The following TSPAN13 variants were observed in gnomAD, a reference collection of about 807,000 sequenced individuals.
TSPAN13 encodes tetraspanin-13.
Under a neutral mutation model 26.9 loss-of-function variants are expected in TSPAN13, and 18 were observed. That is an observed-to-expected ratio of 0.67 (90% CI 0.46 to 0.99). The LOEUF is 0.99. Ranked by LOEUF, TSPAN13 falls within the 50% of genes least tolerant of loss-of-function variation. The pLI, the probability that TSPAN13 is intolerant of heterozygous loss-of-function variation, is 0.00. For missense variants in TSPAN13, 201 were observed against 249.6 expected, an observed-to-expected ratio of 0.81 and a Z score of 1.31; for synonymous variants, 116 against 98.4, an observed-to-expected ratio of 1.18 and a Z score of -1.06.
At chr7:16,772,308 T>C (rs1018422729) in intron 1 of TSPAN13, among the ~76,000 whole-genome samples, 1 of 152,128 alleles carries the variant, frequency 6.6e-6, no homozygotes, top group African/African-American at 2.4e-5. Context: ...AAACTCCAAA[T>C]AGGTGAATTG....
At chr7:16,770,026 T>G (rs1166126469) in intron 1 of TSPAN13, among the ~76,000 whole-genome samples, 1 of 152,096 alleles carries the variant, frequency 6.6e-6, no homozygotes, top group East Asian at 1.9e-4. Context: ...TTTTCTCTCC[T>G]TTAATGAAGC....
rs1410152350 is a variant in TSPAN13 at position 16,777,113 on chromosome 7, G to A, written c.303G>A (p.Gln101=). 2 of 1,612,728 alleles carry A rather than the reference G, an allele frequency of 1.2e-6. No individual in the cohort carries two copies. Among genetic ancestry groups the A allele is most frequent in the Non-Finnish European group, 1.7e-6 (2 of 1,179,112 alleles). Residue 101 remains glutamine, a synonymous_variant, in exon 3 of 6, where the codon CAG becomes CAA. Coordinates refer to ENST00000262067, the MANE Select transcript of TSPAN13 (RefSeq NM_014399.4). The part of the protein sequence containing the change: ...SVSCACLALN[Q]EQQGQLLEVG... ...CTTGCGCTTGTTTAGCCCTGAACCA[G>A]GAGCAACAGGTAAGCTAAGACTTTT...
At chr7:16,754,558 C>T (rs960978407) in intron 1 of TSPAN13, among the ~76,000 whole-genome samples, 2 of 152,204 alleles carry the variant, frequency 1.3e-5, no homozygotes, top group African/African-American at 4.8e-5. Context: ...CACAGGATGT[C>T]CGCTGCTTCC....
intron 1 of TSPAN13, among the ~76,000 whole-genome samples, chr7:16,766,544 A>G (rs375278518): frequency 1.3e-5 from 2 of 152,206 alleles, no homozygotes; most frequent in Non-Finnish European, 2.9e-5. Flanking sequence ...AGAATCAGCA[A>G]CTTACTGCCT....
chr7:16,762,794 A>G (rs1784558906), intron 1 of TSPAN13, among the ~76,000 whole-genome samples: 1 of 152,168 alleles, frequency 6.6e-6, no homozygotes, highest in Non-Finnish European at 1.5e-5. Flanking sequence ...ATAAAACTCT[A>G]GGTACCATGA....
intron 5 of TSPAN13, among the ~76,000 whole-genome samples, chr7:16,782,502 T>C (rs1784824302): frequency 6.6e-6 from 1 of 152,022 alleles, no homozygotes; most frequent in South Asian, 2.1e-4. Context: ...GCCTAAAGAG[T>C]TACAATTTTC....
chr7:16,775,205 C>T (rs932182748), intron 1 of TSPAN13, among the ~76,000 whole-genome samples: 1 of 152,158 alleles, frequency 6.6e-6, no homozygotes, highest in Non-Finnish European at 1.5e-5. Flanking sequence ...CTGTCCCCCA[C>T]TCCTCCCCTA....
chr7:16,772,151 G>A (rs6952087), intron 1 of TSPAN13, among the ~76,000 whole-genome samples: 67,804 of 151,878 alleles, frequency 0.45, 15,514 homozygotes, highest in Admixed American at 0.52. Context: ...TCATTTTGCC[G>A]AAACGATGAT....
At chr7:16,762,829 G>A (rs989994966) in intron 1 of TSPAN13, among the ~76,000 whole-genome samples, 1 of 152,014 alleles carries the variant, frequency 6.6e-6, no homozygotes, top group Non-Finnish European at 1.5e-5. Context: ...GGCAGAAGAT[G>A]GTCTAAAATG....
chr7:16,778,500 A>G (rs1359652641), intron 4 of TSPAN13, among the ~76,000 whole-genome samples: 1 of 152,200 alleles, frequency 6.6e-6, no homozygotes, highest in African/African-American at 2.4e-5. Context: ...CTGCAGCCTC[A>G]TCTGAAGCTT....
At chr7:16,776,489 C>G in intron 2 of TSPAN13, 111 bp downstream of exon 2, 1 of 1,011,682 alleles carries the variant, frequency 9.9e-7, no homozygotes, top group East Asian at 2.5e-5. Flanking sequence ...CCAAGCAAGC[C>G]TTATGCATAT....
chr7:16,754,829 G>T (rs907737384), intron 1 of TSPAN13, among the ~76,000 whole-genome samples: 3 of 152,100 alleles, frequency 2.0e-5, no homozygotes, highest in Non-Finnish European at 4.4e-5. Flanking sequence ...CAGGAGGATG[G>T]GCAGGACAGA....
rs769178778 is a variant in TSPAN13 at position 16,783,432 on chromosome 7, C to T, written c.556C>T (p.Leu186=). ...CCCATTCCAGATCCTGGGTGTTTGGCTGACCTACAGATACAGGAACCAGAA... is the reference window on the plus strand; with the variant it reads ...CCCATTCCAGATCCTGGGTGTTTGGTTGACCTACAGATACAGGAACCAGAA... ...FSFTEILGVW[L]TYRYRNQKDP... The change falls in exon 6 of 6, where the codon CTG becomes TTG. Residue 186 remains leucine, a synonymous_variant. Transcript: ENST00000262067. 1 of 1,613,448 alleles carries T rather than the reference C, an allele frequency of 6.2e-7. No homozygotes were observed. Among genetic ancestry groups the T allele is most frequent in the Non-Finnish European group, 8.5e-7 (1 of 1,179,692 alleles).
At chr7:16,754,201 G>T (rs1309551543) in intron 1 of TSPAN13, among the ~76,000 whole-genome samples, 171 bp downstream of exon 1, 7 of 152,138 alleles carry the variant, frequency 4.6e-5, no homozygotes, top group African/African-American at 1.4e-4. Flanking sequence ...GGGACCGGGC[G>T]CCGGCGCTTG....
In TSPAN13 at chr7:16,776,496, A is replaced by T. The variant is rs187773659; in HGVS notation, c.231+118A>T. ...AAGCAACTCCAAGCAAGCCTTATGC[A>T]TATTTGTTCAAGAACTATTAGAAAC... On this transcript the variant is annotated intron_variant, in intron 2 of 5. Transcript: ENST00000262067. The T allele has an allele frequency of 8.8e-5, 83 of 942,074 alleles. No individual in the cohort carries two copies. In the African/African-American group the frequency reaches 1.2e-3, roughly 14 times the overall value. The allele number at this position is 942,074 out of a possible 1,614,324, so 58.4% of individuals were successfully genotyped here.
chr7:16,755,073 C>T (rs1178936232), intron 1 of TSPAN13, among the ~76,000 whole-genome samples: 1 of 151,998 alleles, frequency 6.6e-6, no homozygotes, highest in East Asian at 2.0e-4. Context: ...AAGAAACTTC[C>T]TCTTCTGTCA....
In TSPAN13 at chr7:16,753,797, GCC is replaced by G; in HGVS notation, c.-170_-169del. On this transcript the variant is annotated 5_prime_UTR_variant, in exon 1 of 6. Coordinates refer to ENST00000262067, the MANE Select transcript of TSPAN13 (RefSeq NM_014399.4). ...GCCGCAGGTTCCAAAGCGGGTCCGAGCCGCCGCCGCGCGCGCGCCGCGCACTG... is the reference window on the plus strand; with the variant it reads ...GCCGCAGGTTCCAAAGCGGGTCCGAGGCCGCCGCGCGCGCGCCGCGCACTG... 2 of 224,504 alleles carry G rather than the reference GCC, an allele frequency of 8.9e-6. No individual in the cohort carries two copies. The highest frequency in any genetic ancestry group is 1.2e-4 in the Admixed American group (1 of 8,676). 13.9% of individuals were successfully genotyped at this position (224,504 alleles called of 1,614,324 possible).
chr7:16,779,490 A>T (rs1784790783), intron 5 of TSPAN13, among the ~76,000 whole-genome samples: 1 of 152,110 alleles, frequency 6.6e-6, no homozygotes, highest in Non-Finnish European at 1.5e-5. Context: ...ACACAGACAT[A>T]CATATATAAA....
Position 16,753,779 on chromosome 7 carries a change from G to A in TSPAN13, c.-189G>A, listed in dbSNP as rs1271256257. The A allele has an allele frequency of 4.2e-6, 2 of 480,350 alleles. No homozygotes were observed. The highest frequency in any genetic ancestry group is 3.3e-5 in the South Asian group (1 of 30,492). 29.8% of individuals were successfully genotyped at this position (480,350 alleles called of 1,614,324 possible). The stretch of plus-strand genomic sequence containing the variant: ...TCCGGCTCAGCTGCGGCGGCCGCAG[G>A]TTCCAAAGCGGGTCCGAGCCGCCGC... On this transcript the variant is annotated 5_prime_UTR_variant, in exon 1 of 6. Coordinates refer to ENST00000262067, the MANE Select transcript of TSPAN13 (RefSeq NM_014399.4).
Sources: gnomAD v4.1 joint callset for allele counts (sites outside exome capture counted in the v4.1 genomes callset) on GRCh38, gnomAD v4.1.1 for gene constraint, MANE v1.5 for transcripts, NCBI Gene and HGNC (gene_info 2026-07-23, HGNC 2026-07-21) for gene names.